Variants in BABAM2 observed in about 807,000 individuals in gnomAD.
BABAM2 encodes BRISC and BRCA1 A complex member 2.
BABAM2 carries 31 observed loss-of-function variants against 54.7 expected under a neutral mutation model. That is an observed-to-expected ratio of 0.57 (90% CI 0.43 to 0.77). The LOEUF is 0.77. Among genes scored for constraint, BABAM2 ranks in the 30% least tolerant of loss-of-function variants. The probability of loss-of-function intolerance (pLI) is 0.00; values close to 1 mark genes in which losing one functional copy is unlikely to be tolerated. For synonymous variants in BABAM2, 167 were observed against 162.9 expected (o/e 1.03, Z -0.19); for missense variants, 364 against 455.8 (o/e 0.80, Z 1.83).
intron 3 of BABAM2, among the ~76,000 whole-genome samples, chr2:27,961,437 G>C (rs1558620508): frequency 6.6e-6 from 1 of 152,168 alleles, no homozygotes; most frequent in Non-Finnish European, 1.5e-5. Flanking sequence ...TTATAAAATA[G>C]ACTTTGTGTT....
rs367678397 is a variant in BABAM2 at position 28,255,998 on chromosome 2, T to C, written c.934+11136T>C. Among the ~76,000 whole-genome samples the C allele has an allele frequency of 3.3e-5, 5 of 152,278 alleles. No individual in the cohort carries two copies. The East Asian group carries it at 7.7e-4, about 23-fold the overall frequency. On this transcript the variant is annotated intron_variant, in intron 10 of 11. Coordinates refer to ENST00000379624, the MANE Select transcript of BABAM2 (RefSeq NM_199191.3). ...GAAGTTTTTAACAGGTGTTTTTTTT[T>C]GTGCCAAAGATTCCTTTGGTGAATT...
intron 10 of BABAM2, among the ~76,000 whole-genome samples, chr2:28,263,099 C>T (rs1433085631): frequency 8.0e-5 from 11 of 137,100 alleles, no homozygotes; most frequent in African/African-American, 3.0e-4. Context: ...GGTATGATTC[C>T]ACTTATTTGA....
At chr2:28,084,212 A>T (rs150509826) in intron 6 of BABAM2, among the ~76,000 whole-genome samples, 2 of 152,182 alleles carry the variant, frequency 1.3e-5, no homozygotes, top group African/African-American at 4.8e-5. Context: ...GTAGGAAAGT[A>T]GTAGGAACTA....
upstream of BABAM2, chr2:27,890,350 C>G: frequency 6.2e-7 from 1 of 1,612,918 alleles, no homozygotes; most frequent in Non-Finnish European, 8.5e-7. This position sits in a 1 kb window ranked among gnomAD's most constrained non-coding sequence, Gnocchi z 4.8. Context: ...CGCCATCGCT[C>G]AAAGGTGCTG....
At chr2:27,890,175 G>A, upstream of BABAM2, 4 of 1,340,728 alleles carry the variant, frequency 3.0e-6, no homozygotes, top group South Asian at 1.2e-5. The surrounding 1 kb of genome is among the most constrained non-coding windows in gnomAD (Gnocchi z 4.8). Context: ...GAGACCCAGC[G>A]CCCAAAAGCT....
intron 6 of BABAM2, among the ~76,000 whole-genome samples, chr2:28,092,318 TAATGA>T (rs973928954): frequency 6.6e-6 from 1 of 152,188 alleles, no homozygotes; most frequent in Non-Finnish European, 1.5e-5. Flanking sequence ...GTACAAGATC[TAATGA>T]AATATACAAA....
intron 4 of BABAM2, among the ~76,000 whole-genome samples, chr2:28,021,923 C>T (rs187048963): frequency 2.2e-3 from 332 of 152,214 alleles, no homozygotes; most frequent in African/African-American, 7.7e-3. Flanking sequence ...TAGGTATCCT[C>T]GCGCATGTCT....
intron 7 of BABAM2, among the ~76,000 whole-genome samples, chr2:28,195,073 A>G (rs1470321215): frequency 6.6e-6 from 1 of 152,242 alleles, no homozygotes; most frequent in African/African-American, 2.4e-5. Flanking sequence ...ATACTTGAAT[A>G]GAGAGGAACC....
intron 7 of BABAM2, among the ~76,000 whole-genome samples, chr2:28,193,459 G>A (rs1677158028): frequency 6.6e-6 from 1 of 152,084 alleles, no homozygotes; most frequent in Non-Finnish European, 1.5e-5. Flanking sequence ...GTGTCACTGA[G>A]CCTCAGTTTC....
At chr2:28,056,471 A>AT (rs977163544) in intron 6 of BABAM2, among the ~76,000 whole-genome samples, 4 of 151,664 alleles carry the variant, frequency 2.6e-5, no homozygotes, top group East Asian at 1.9e-4. Flanking sequence ...TTTATTTAAA[A>AT]TTTTTTTTTA....
At chr2:27,898,256 G>T (rs1437488982) in intron 2 of BABAM2, among the ~76,000 whole-genome samples, 2 of 152,138 alleles carry the variant, frequency 1.3e-5, no homozygotes, top group Non-Finnish European at 2.9e-5. Context: ...CATCAAGATT[G>T]TGCCTAATCC....
chr2:28,112,146 TTTAC>T (rs1668117779), intron 6 of BABAM2, among the ~76,000 whole-genome samples: 2 of 10,562 alleles, frequency 1.9e-4, no homozygotes, highest in South Asian at 8.8e-3. Context: ...TCTTTCTTTC[TTTAC>T]CTCCCTCCCT....
chr2:28,293,337 C>G (rs1042598396), intron 10 of BABAM2, among the ~76,000 whole-genome samples: 1 of 152,152 alleles, frequency 6.6e-6, no homozygotes, highest in Non-Finnish European at 1.5e-5. Flanking sequence ...GAGATACCAC[C>G]TTACTAGAGT....
At chr2:28,012,647 T>C (rs923582351) in intron 4 of BABAM2, among the ~76,000 whole-genome samples, 8 of 152,204 alleles carry the variant, frequency 5.3e-5, no homozygotes, top group Admixed American at 4.6e-4. Context: ...ACGGTGCTTA[T>C]GTTCAATAAT....
chr2:28,048,739 C>G (rs1677790572), intron 6 of BABAM2, among the ~76,000 whole-genome samples: 1 of 152,114 alleles, frequency 6.6e-6, no homozygotes, highest in African/African-American at 2.4e-5. Context: ...AAATCGTGGT[C>G]CCCAGCATAA....
rs560818797 is a variant in BABAM2 at position 28,295,846 on chromosome 2, G to A, written c.935-2492G>A. ...AATCAGAAGAGGCGCGGTGGTTCAC[G>A]CCTGTAATCCCAGCACTTTGGGAGG... On this transcript the variant is annotated intron_variant, in intron 10 of 11. Coordinates refer to ENST00000379624, the MANE Select transcript of BABAM2 (RefSeq NM_199191.3). Among the ~76,000 whole-genome samples the A allele has an allele frequency of 3.3e-5, 5 of 152,078 alleles. No homozygotes were observed. In the South Asian group the frequency reaches 6.2e-4, roughly 19 times the overall value.
intron 1 of BABAM2, among the ~76,000 whole-genome samples, chr2:27,893,992 C>CAAA (rs778759632): frequency 3.9e-4 from 16 of 40,540 alleles, no homozygotes; most frequent in African/African-American, 8.4e-4. Context: ...GACTCTGTCG[C>CAAA]AAAAAAAAAA....
chr2:28,118,115 A>G (rs191183245), intron 6 of BABAM2, among the ~76,000 whole-genome samples: 1 of 152,354 alleles, frequency 6.6e-6, no homozygotes, highest in Admixed American at 6.5e-5. Context: ...AGAGAAACTC[A>G]AAGATGTAGT....
intron 6 of BABAM2, among the ~76,000 whole-genome samples, chr2:28,092,812 T>C (rs1666273622): frequency 6.6e-6 from 1 of 151,958 alleles, no homozygotes; most frequent in South Asian, 2.1e-4. Context: ...TTTGTACTTA[T>C]TCTTGCCATC....
Sources: allele counts gnomAD v4.1 joint callset (sites outside exome capture counted in the v4.1 genomes callset), GRCh38; gene constraint gnomAD v4.1.1; non-coding constraint Gnocchi (gnomAD v3.1); transcripts MANE v1.5; gene names NCBI Gene and HGNC (gene_info 2026-07-23, HGNC 2026-07-21).